The following FBXW11 variants were observed in gnomAD, a reference collection of about 807,000 sequenced individuals.
The protein encoded by FBXW11 is F-box and WD repeat domain containing 11.
In FBXW11, 19 loss-of-function variants were observed where a neutral mutation model predicts 77.6. That is an observed-to-expected ratio of 0.24 (90% confidence interval 0.17 to 0.36). The LOEUF is 0.36. FBXW11 is among the 10% of genes least tolerant of loss of function. FBXW11 has a pLI of 1.00. For missense variants in FBXW11, 334 were observed against 704.2 expected (o/e 0.47, Z 5.95); for synonymous variants, 235 against 249.4 (o/e 0.94, Z 0.54).
At chr5:171,896,800 G>A (rs927249498) in intron 6 of FBXW11, among the ~76,000 whole-genome samples, 8 of 152,116 alleles carry the variant, frequency 5.3e-5, no homozygotes, top group Admixed American at 2.0e-4. Context: ...GCAAAAACTC[G>A]AAGTGGGTAT....
rs193128912 is a variant in FBXW11, at chr5:171,951,554, A to G, written c.147+6043T>C. On this transcript the variant is annotated intron_variant, in intron 2 of 13. Coordinates refer to ENST00000517395, the MANE Select transcript of FBXW11 (RefSeq NM_001378974.1). ...CCAATCTCAAAAAAAGAGAGAGAGA[A>G]AAAAAGTGGCTATTTTTTTTTGAAA... Among the ~76,000 whole-genome samples the G allele has an allele frequency of 1.1e-4, 12 of 111,808 alleles. No individual in the cohort carries two copies. In the East Asian group the frequency reaches 3.0e-3, roughly 28 times the overall value. 73.4% of individuals were successfully genotyped at this position (111,808 alleles called of 152,430 possible).
At chr5:171,897,808 G>T (rs1759848643) in intron 6 of FBXW11, among the ~76,000 whole-genome samples, 1 of 150,560 alleles carries the variant, frequency 6.6e-6, no homozygotes, top group African/African-American at 2.4e-5. Context: ...GTGTACATAA[G>T]AAATGCCTTA....
intron 7 of FBXW11, among the ~76,000 whole-genome samples, chr5:171,885,313 T>C (rs770118859): frequency 6.6e-5 from 10 of 152,220 alleles, no homozygotes; most frequent in Non-Finnish European, 1.3e-4. Context: ...CTCACAAAAG[T>C]GTGGTGGGGA....
chr5:171,929,206 T>A (rs1762037877), intron 2 of FBXW11, among the ~76,000 whole-genome samples: 1 of 151,990 alleles, frequency 6.6e-6, no homozygotes, highest in African/African-American at 2.4e-5. Flanking sequence ...CCATCTCTAC[T>A]AAAAATATTT....
intron 9 of FBXW11, among the ~76,000 whole-genome samples, chr5:171,874,262 A>ATT (rs1334506192): frequency 6.6e-6 from 1 of 152,194 alleles, no homozygotes; most frequent in Admixed American, 6.5e-5. Context: ...GCATACAACA[A>ATT]GTTGTTTAGC....
intron 2 of FBXW11, among the ~76,000 whole-genome samples, chr5:171,915,651 G>GTGTGTGTGTGTGTGTGTGTA: frequency 6.7e-6 from 1 of 150,354 alleles, no homozygotes; most frequent in Admixed American, 6.7e-5. Context: ...GTGTGTGTGT[G>GTGTGTGTGTGTGTGTGTGTA]AGCCTGAGCA....
At chr5:171,948,274 A>T (rs1763123931) in intron 2 of FBXW11, among the ~76,000 whole-genome samples, 1 of 151,668 alleles carries the variant, frequency 6.6e-6, no homozygotes, top group Non-Finnish European at 1.5e-5. Flanking sequence ...ACTTCAGTGT[A>T]TGGAGTATAA....
intron 8 of FBXW11, among the ~76,000 whole-genome samples, 192 bp downstream of exon 8, chr5:171,877,819 T>C (rs1758201010): frequency 1.3e-5 from 2 of 152,204 alleles, no homozygotes; most frequent in South Asian, 2.1e-4. Flanking sequence ...TGAACAGCAA[T>C]AGGAATAGAA....
intron 4 of FBXW11, among the ~76,000 whole-genome samples, chr5:171,906,163 T>G (rs7722589): frequency 6.6e-6 from 1 of 152,136 alleles, no homozygotes; most frequent in Non-Finnish European, 1.5e-5. Flanking sequence ...ACAGAAACTT[T>G]TATTATTTTA....
In FBXW11 at chr5:171,916,978, C is replaced by T. The variant is rs545200446; in HGVS notation, c.148-2573G>A. Among the ~76,000 whole-genome samples, 57 of 152,200 alleles carry T rather than the reference C, an allele frequency of 3.7e-4. 3 individuals are homozygous for T. The South Asian group carries it at 0.01, about 28-fold the overall frequency. ...GCTCTGTCGCCAGGCTGGAGTGCAA[C>T]GGTGTGATCTCAAATCACTGCAACT... On this transcript the variant is annotated intron_variant, in intron 2 of 13. Coordinates refer to ENST00000517395, the MANE Select transcript of FBXW11 (RefSeq NM_001378974.1).
intron 2 of FBXW11, among the ~76,000 whole-genome samples, chr5:171,944,251 T>C (rs1168618350): frequency 2.6e-5 from 4 of 151,656 alleles, no homozygotes; most frequent in African/African-American, 9.7e-5. Flanking sequence ...TATATAATAA[T>C]CCCAACTATG....
rs149542117 is a variant in FBXW11 at position 171,956,680 on chromosome 5, T to C, written c.147+917A>G. Among the ~76,000 whole-genome samples the C allele has an allele frequency of 4.1e-4, 62 of 152,348 alleles. No individual in the cohort carries two copies. In the East Asian group the frequency reaches 0.011, roughly 27 times the overall value. On this transcript the variant is annotated intron_variant, in intron 2 of 13. Coordinates refer to ENST00000517395, the MANE Select transcript of FBXW11 (RefSeq NM_001378974.1). ...ACCCATGCCATCAATAATATCCCTC[T>C]AACTCAGTGCCTAATTTTGCAGTTT...
chr5:171,882,827 T>A (rs549584753), intron 7 of FBXW11, among the ~76,000 whole-genome samples: 1 of 152,214 alleles, frequency 6.6e-6, no homozygotes, highest in South Asian at 2.1e-4. Flanking sequence ...ATTGTACAGG[T>A]GGTATTTGGT....
At chr5:171,874,535 A>G (rs2113769541) in intron 9 of FBXW11, among the ~76,000 whole-genome samples, 1 of 152,220 alleles carries the variant, frequency 6.6e-6, no homozygotes, top group East Asian at 1.9e-4. Context: ...CAGCTATCCA[A>G]TGCAAAGCCT....
At position 171,878,047 on chromosome 5, in the gene FBXW11, C is replaced by A. The variant is rs371361753; in HGVS notation, c.935G>T (p.Arg312Leu). 4 of 1,613,820 alleles carry A rather than the reference C, an allele frequency of 2.5e-6. No individual in the cohort carries two copies. The highest frequency in any genetic ancestry group is 2.5e-6 in the Non-Finnish European group (3 of 1,179,852). Reference sequence around the variant, plus strand: ...ATCTGAAGAGCCAGTTACAATGACACGCTCATCATACTGCAGACAGAGGAC... The same window carrying A: ...ATCTGAAGAGCCAGTTACAATGACAAGCTCATCATACTGCAGACAGAGGAC... ...GSVLCLQYDERVIVTGSSDST... is the reference protein window; with the variant it reads ...GSVLCLQYDELVIVTGSSDST... Residue 312 changes from arginine (R) to leucine (L), a missense_variant, in exon 8 of 14, where the codon CGT becomes CTT. Arg to Leu is a moderately radical substitution (Grantham distance 102). Around this residue, in one of 10 missense-constraint regions of FBXW11, gnomAD observed 70 missense variants for 136.6 expected, o/e 0.51. Transcript: ENST00000517395.
chr5:171,898,901 T>G, intron 6 of FBXW11, 103 bp downstream of exon 6: 1 of 608,690 alleles, frequency 1.6e-6, no homozygotes, highest in Non-Finnish European at 2.7e-6. Flanking sequence ...TTAAAAAAAA[T>G]TATTAGTTCT....
intron 2 of FBXW11, among the ~76,000 whole-genome samples, chr5:171,928,879 C>A (rs1027237307): frequency 6.6e-6 from 1 of 152,008 alleles, no homozygotes; most frequent in Non-Finnish European, 1.5e-5. Context: ...TCAAGACCAG[C>A]CTGGCCAATG....
At chr5:171,927,500 C>G (rs1294819593) in intron 2 of FBXW11, among the ~76,000 whole-genome samples, 9 of 152,046 alleles carry the variant, frequency 5.9e-5, no homozygotes, top group Non-Finnish European at 2.9e-5. Context: ...AAAGAAAATA[C>G]ACAAATGAAG....
chr5:171,869,275 G>C lies in FBXW11; in HGVS notation c.1530+454C>G. Among the ~76,000 whole-genome samples, 1 of 152,158 alleles carries C rather than the reference G, an allele frequency of 6.6e-6. No individual in the cohort carries two copies. The highest frequency in any genetic ancestry group is 6.5e-5 in the Admixed American group (1 of 15,276). On this transcript the variant is annotated intron_variant, in intron 12 of 13. Transcript: ENST00000517395. The surrounding 1 kb of genome is among the most constrained non-coding windows in gnomAD (Gnocchi z 4.1). Reference sequence around the variant, plus strand: ...AGTAAATGCAAGAAGTGAAGAAACAGAAATAAAACTACTAAAATCTTTTTT... The same window carrying C: ...AGTAAATGCAAGAAGTGAAGAAACACAAATAAAACTACTAAAATCTTTTTT...
Sources: allele counts gnomAD v4.1 joint callset (sites outside exome capture counted in the v4.1 genomes callset), GRCh38; gene constraint gnomAD v4.1.1; regional missense constraint gnomAD v4.1.1; non-coding constraint Gnocchi (gnomAD v3.1); transcripts MANE v1.5; gene names NCBI Gene and HGNC (gene_info 2026-07-23, HGNC 2026-07-21).